STAU2: variants seen among roughly 807,000 people sequenced by gnomAD.
STAU2 encodes double-stranded RNA-binding protein Staufen homolog 2.
A neutral mutation model predicts 65.9 loss-of-function variants in STAU2; 20 were observed. That is an observed-to-expected ratio of 0.30 (90% CI 0.21 to 0.44). STAU2 has a LOEUF of 0.44. STAU2 is among the 20% of genes least tolerant of loss of function. The pLI is 1.00. For missense variants in STAU2, 558 were observed against 683.9 expected (o/e 0.82, Z 2.05); for synonymous variants, 232 against 233.9 (o/e 0.99, Z 0.07).
rs373697422 is a variant in STAU2, at chr8:73,523,429, G to T, written c.1530+28583C>A. On this transcript the variant is annotated intron_variant, in intron 13 of 14. Coordinates refer to ENST00000524300, the MANE Select transcript of STAU2 (RefSeq NM_001164380.2). The stretch of plus-strand genomic sequence containing the variant: ...AATCTGGCTGTTTTTTTAACATTAG[G>T]CTTAATCTAGTATTATCTATATACA... Among the ~76,000 whole-genome samples the T allele has an allele frequency of 1.9e-4, 29 of 151,976 alleles. No individual in the cohort carries two copies. In the East Asian group the frequency reaches 2.5e-3, roughly 13 times the overall value.
intron 6 of STAU2, among the ~76,000 whole-genome samples, chr8:73,644,904 A>C (rs1815257252): frequency 1.3e-5 from 2 of 152,198 alleles, no homozygotes; most frequent in Admixed American, 6.5e-5. Context: ...AGATGACTTG[A>C]AAAGCCCTAT....
In STAU2 at chr8:73,688,728, T is replaced by C. The variant is rs1819123947; in HGVS notation, c.200A>G (p.Asn67Ser). 5.0e-6 allele frequency: 8 copies of C among 1,614,084 alleles called. No individual in the cohort carries two copies. Among genetic ancestry groups the C allele is most frequent in the African/African-American group, 1.3e-5 (1 of 74,920 alleles). Residue 67 changes from asparagine to serine, a missense_variant, in exon 5 of 15, where the codon AAT becomes AGT. By Grantham distance (46) the Asn-to-Ser change is conservative. Around this residue, in one of 3 missense-constraint regions of STAU2, gnomAD observed 112 missense variants for 114.2 expected, o/e 0.98. Transcript: ENST00000524300. ...AAGCGTAGATTCAGTCAAAGCTTTA[T>C]TGGCAACAGCCTGCTGAGCCTTCTT... is the stretch of plus-strand genomic sequence containing the variant. Reference protein sequence around the residue: ...SIKKAQQAVANKALTESTLPK... With the variant: ...SIKKAQQAVASKALTESTLPK...
chr8:73,583,642 C>T (rs1234878762), intron 11 of STAU2, among the ~76,000 whole-genome samples: 1 of 150,734 alleles, frequency 6.6e-6, no homozygotes, highest in East Asian at 1.9e-4. Context: ...ATGACATATA[C>T]AAAAAATACA....
intron 3 of STAU2, among the ~76,000 whole-genome samples, chr8:73,735,134 T>C (rs1806343397): frequency 6.6e-6 from 1 of 152,210 alleles, no homozygotes; most frequent in Non-Finnish European, 1.5e-5. Flanking sequence ...TCCTACTATG[T>C]TGCCCAAGCT....
chr8:73,697,571 T>A (rs900890815), intron 4 of STAU2: 1 of 152,174 alleles, frequency 6.6e-6, no homozygotes, highest in African/African-American at 2.4e-5. Flanking sequence ...TACTCTTAAC[T>A]GAAGTAGAAA....
chr8:73,564,145 A>G (rs1393009980), intron 12 of STAU2, among the ~76,000 whole-genome samples: 1 of 152,182 alleles, frequency 6.6e-6, no homozygotes, highest in Non-Finnish European at 1.5e-5. Context: ...TGTGCATCCA[A>G]CATTTTACGT....
intron 1 of STAU2, among the ~76,000 whole-genome samples, chr8:73,744,416 A>C (rs1807130080): frequency 1.3e-5 from 2 of 151,672 alleles, no homozygotes. Flanking sequence ...CCTATAAATG[A>C]TCAGATTCCC....
chr8:73,733,500 C>T lies in STAU2; in HGVS notation c.-18+4784G>A, dbSNP rs183695285. On this transcript the variant is annotated intron_variant, in intron 3 of 14. Coordinates refer to ENST00000524300, the MANE Select transcript of STAU2 (RefSeq NM_001164380.2). ...TCAGGGAGAAAGGGCCAAAATATAC[C>T]ATACTGGTAAATATTATGGTACCCC... Among the ~76,000 whole-genome samples the T allele has an allele frequency of 7.2e-5, 11 of 152,230 alleles. No homozygotes were observed. In the South Asian group the frequency reaches 1.5e-3, roughly 20 times the overall value.
chr8:73,544,028 T>C (rs1210605802), intron 13 of STAU2, among the ~76,000 whole-genome samples: 2 of 152,192 alleles, frequency 1.3e-5, no homozygotes, highest in Non-Finnish European at 2.9e-5. Flanking sequence ...ATTCATCTCA[T>C]CCATAGTAAA....
At chr8:73,737,698 G>A (rs1483880918) in intron 3 of STAU2, among the ~76,000 whole-genome samples, 1 of 151,416 alleles carries the variant, frequency 6.6e-6, no homozygotes, top group Non-Finnish European at 1.5e-5. Context: ...CACCCAGCCT[G>A]GCCAAAAGTA....
At chr8:73,495,079 G>T (rs1821334124) in intron 13 of STAU2, among the ~76,000 whole-genome samples, 1 of 151,486 alleles carries the variant, frequency 6.6e-6, no homozygotes, top group South Asian at 2.1e-4. Flanking sequence ...TGCTGATAAA[G>T]ATGGGAGTTT....
At chr8:73,470,814 AT>A (rs58008331) in intron 13 of STAU2, among the ~76,000 whole-genome samples, 45,335 of 151,200 alleles carry the variant, frequency 0.3, 7,333 homozygotes, top group East Asian at 0.55. Context: ...TAAAAAAAAA[AT>A]TTTTTTTTAA....
intron 6 of STAU2, among the ~76,000 whole-genome samples, chr8:73,634,221 C>A (rs1023253143): frequency 6.6e-6 from 1 of 152,120 alleles, no homozygotes; most frequent in African/African-American, 2.4e-5. Flanking sequence ...AATAACCTCC[C>A]AACTGCTCTC....
intron 13 of STAU2, among the ~76,000 whole-genome samples, chr8:73,516,198 C>T (rs1310564758): frequency 6.6e-6 from 1 of 151,974 alleles, no homozygotes; most frequent in Non-Finnish European, 1.5e-5. Context: ...CCTTGGCCTC[C>T]CAAAGTGCTG....
intron 13 of STAU2, among the ~76,000 whole-genome samples, chr8:73,502,747 GTGT>G (rs536993463): frequency 1.4e-4 from 22 of 151,966 alleles, no homozygotes; most frequent in South Asian, 6.2e-4. Flanking sequence ...GGCCAGTTAT[GTGT>G]TGTTGTTGTT....
At chr8:73,686,416 G>A (rs1818824967) in intron 5 of STAU2, among the ~76,000 whole-genome samples, 1 of 152,158 alleles carries the variant, frequency 6.6e-6, no homozygotes, top group Non-Finnish European at 1.5e-5. Context: ...CAGGCGTGGT[G>A]GCACATGCCT....
At chr8:73,493,382 A>G (rs976401464) in intron 13 of STAU2, among the ~76,000 whole-genome samples, 9 of 151,852 alleles carry the variant, frequency 5.9e-5, no homozygotes, top group Non-Finnish European at 5.9e-5. Flanking sequence ...AAACATTTGC[A>G]AAACATATAT....
In STAU2 at chr8:73,738,348, A is replaced by G. The variant is rs1057311908; in HGVS notation, c.-82T>C. ...CTGCTGTATCCCTCACGGCTCCAAA[A>G]ACTGGAAAACGAAAATGAAGAAATA... On this transcript the variant is annotated splice_region_variant and 5_prime_UTR_variant, in exon 3 of 15. Coordinates refer to ENST00000524300, the MANE Select transcript of STAU2 (RefSeq NM_001164380.2). 1 of 1,573,926 alleles carries G rather than the reference A, an allele frequency of 6.4e-7. No homozygotes were observed. The highest frequency in any genetic ancestry group is 1.4e-5 in the African/African-American group (1 of 72,200).
intron 10 of STAU2, among the ~76,000 whole-genome samples, chr8:73,598,711 A>C (rs1811398491): frequency 6.6e-6 from 1 of 152,160 alleles, no homozygotes; most frequent in South Asian, 2.1e-4. Flanking sequence ...AAAAGTAAAA[A>C]AAGAAGCAGA....
Sources: gnomAD v4.1 joint callset for allele counts (sites outside exome capture counted in the v4.1 genomes callset) on GRCh38, gnomAD v4.1.1 for gene constraint, gnomAD v4.1.1 regional missense constraint, MANE v1.5 for transcripts, NCBI Gene and HGNC (gene_info 2026-07-23, HGNC 2026-07-21) for gene names.